ATP7A: variants seen among roughly 807,000 people sequenced by gnomAD.
The protein encoded by ATP7A is ATPase copper transporting alpha, also known as copper-transporting ATPase 1.
Under a neutral mutation model 83.5 loss-of-function variants are expected in ATP7A, and 7 were observed. That is an observed-to-expected ratio of 0.08 (90% confidence interval 0.05 to 0.16). The LOEUF is 0.16. Ranked by LOEUF, ATP7A falls within the 10% of genes least tolerant of loss-of-function variation. ATP7A has a pLI of 1.00. For synonymous variants in ATP7A, 354 were observed against 395.2 expected, an observed-to-expected ratio of 0.90 and a Z score of 1.24; for missense variants, 940 against 1,120.8, an observed-to-expected ratio of 0.84 and a Z score of 2.30.
In ATP7A at chrX:78,009,086, G is replaced by A. The variant is rs1432524313; in HGVS notation, c.1708-16G>A. The stretch of plus-strand genomic sequence containing the variant: ...AAAAGTATATTCCTGAAGAACAAAT[G>A]CTTTGTCTTTAACAGGTGAGGGGAA... On this transcript the variant is annotated splice_polypyrimidine_tract_variant and intron_variant, in intron 6 of 22. Coordinates refer to ENST00000341514, the MANE Select transcript of ATP7A (RefSeq NM_000052.7). The A allele has an allele frequency of 3.3e-6, 4 of 1,200,873 alleles. No homozygotes were observed. Among genetic ancestry groups the A allele is most frequent in the Middle Eastern group, 2.3e-4 (1 of 4,294 alleles).
In ATP7A at chrX:78,050,263, C is replaced by G. The variant is rs999372691; in HGVS notation, c.*3693C>G. ...ATTGATTGTTTGGTACCGAAAACAG[C>G]AGTGGACGATGTTGTGCAATATCCA... On this transcript the variant is annotated 3_prime_UTR_variant, in exon 23 of 23. Transcript: ENST00000341514. 2.0e-4 allele frequency: 22 copies of G among 112,249 alleles called. No individual in the cohort carries two copies. Among genetic ancestry groups the G allele is most frequent in the African/African-American group, 7.1e-4 (22 of 30,958 alleles). The allele number at this position is 112,249 out of a possible 1,213,427, so 9.3% of individuals were successfully genotyped here.
chrX:78,020,056 C>T (rs1462179548), intron 12 of ATP7A, among the ~76,000 whole-genome samples, 188 bp from the exon 13 acceptor site: 2 of 112,450 alleles, frequency 1.8e-5, no homozygotes, highest in African/African-American at 6.5e-5. Context: ...CAGGTTTTTC[C>T]AGTTCAAGGT....
chrX:77,996,116 C>T (rs1403166664), intron 4 of ATP7A, among the ~76,000 whole-genome samples: 4 of 112,107 alleles, frequency 3.6e-5, no homozygotes, highest in Non-Finnish European at 7.5e-5. Flanking sequence ...TTCCTGTTTA[C>T]CAATTTCATG....
At position 77,988,400 on chromosome X, in the gene ATP7A, G is replaced by A. The variant is rs1189348387; in HGVS notation, c.279G>A (p.Thr93=). ...VLTDTLFLTV[T]ASLTLPWDHI... ...CTGACACCTTGTTTCTGACTGTTAC[G>A]GCGTCACTGACTTTGCCATGGGACC... is the stretch of plus-strand genomic sequence containing the variant. Residue 93 remains threonine, a synonymous_variant, in exon 3 of 23, where the codon ACG becomes ACA. Transcript: ENST00000341514. 8.3e-7 allele frequency: 1 copy of A among 1,209,494 alleles called. No homozygotes were observed. Among genetic ancestry groups the A allele is most frequent in the Non-Finnish European group, 1.1e-6 (1 of 895,040 alleles).
intron 9 of ATP7A, among the ~76,000 whole-genome samples, chrX:78,011,968 G>C (rs1210575616): frequency 2.8e-5 from 3 of 107,233 alleles, no homozygotes; most frequent in Non-Finnish European, 3.9e-5. Context: ...TTTAGAGATG[G>C]GGTTTTGCTC....
chrX:78,013,540 A>G (rs1557234807), intron 10 of ATP7A, among the ~76,000 whole-genome samples: 1 of 111,939 alleles, frequency 8.9e-6, no homozygotes, highest in African/African-American at 3.2e-5. Context: ...CCTTAACACT[A>G]TAAAGTTTTT....
In ATP7A at chrX:78,038,761, A is replaced by G; in HGVS notation, c.3512-75A>G. ...ATGTAGTGACTGTGCAAGGTTAGAC[A>G]GGAAGAACTTGCTTCATGGGGTTTT... On this transcript the variant is annotated intron_variant, in intron 17 of 22. Coordinates refer to ENST00000341514, the MANE Select transcript of ATP7A (RefSeq NM_000052.7). 3.6e-6 allele frequency: 4 copies of G among 1,102,384 alleles called. No individual in the cohort carries two copies. In the South Asian group the frequency reaches 7.5e-5, roughly 21 times the overall value. The allele number at this position is 1,102,384 out of a possible 1,213,427, so 90.8% of individuals were successfully genotyped here. A position where few individuals can be genotyped will look rare whatever the true frequency, so the allele number is the denominator to read the frequency against.
At chrX:77,934,699 T>C (rs1557224907) in intron 1 of ATP7A, among the ~76,000 whole-genome samples, 1 of 110,592 alleles carries the variant, frequency 9.0e-6, no homozygotes. Context: ...AAGTTTCAGA[T>C]TTTGGAGCAT....
At chrX:78,045,117 A>G (rs1305915571) in intron 21 of ATP7A, among the ~76,000 whole-genome samples, 2 of 112,484 alleles carry the variant, frequency 1.8e-5, no homozygotes, top group Non-Finnish European at 3.8e-5. Flanking sequence ...AGTTTGTAGA[A>G]CATGAACTCC....
chrX:78,033,585 C>G lies in ATP7A; in HGVS notation c.3295-20C>G, dbSNP rs2077995389. The G allele has an allele frequency of 2.5e-6, 3 of 1,198,316 alleles. No homozygotes were observed. In the East Asian group the frequency reaches 8.9e-5, roughly 35 times the overall value. ...CATTATCAGAACAGTAGAGGAAATC[C>G]TTTTGTTTCTGTTTGTTAGGAGCTG... On this transcript the variant is annotated intron_variant, in intron 16 of 22. Transcript: ENST00000341514.
intron 5 of ATP7A, among the ~76,000 whole-genome samples, chrX:78,001,735 C>G (rs1247555618): frequency 9.0e-6 from 1 of 110,832 alleles, no homozygotes; most frequent in African/African-American, 3.3e-5. Context: ...GCCACAGAAT[C>G]CTAGAAAGAA....
chrX:78,016,103 A>C (rs1032396557), intron 12 of ATP7A, among the ~76,000 whole-genome samples: 4 of 111,981 alleles, frequency 3.6e-5, no homozygotes, highest in African/African-American at 9.8e-5. Flanking sequence ...TGGGTAATTT[A>C]TAAAGCCAAG....
At chrX:77,961,408 A>G (rs2077473880) in intron 1 of ATP7A, among the ~76,000 whole-genome samples, 1 of 111,712 alleles carries the variant, frequency 9.0e-6, no homozygotes, top group African/African-American at 3.3e-5. Context: ...TACCAAAGGT[A>G]TTGTATTCTA....
intron 19 of ATP7A, 102 bp downstream of exon 19, chrX:78,040,835 A>G: frequency 9.9e-7 from 1 of 1,009,309 alleles, no homozygotes; most frequent in Non-Finnish European, 1.4e-6. Context: ...TTTCATTATC[A>G]CTGAGTAGTC....
intron 1 of ATP7A, chrX:77,966,747 G>A (rs1425231899): frequency 6.1e-6 from 2 of 329,250 alleles, no homozygotes; most frequent in Non-Finnish European, 1.2e-5. Context: ...GTACTAAAAA[G>A]TACTGAACTG....
intron 1 of ATP7A, among the ~76,000 whole-genome samples, chrX:77,921,198 A>G (rs1268815018): frequency 8.9e-6 from 1 of 111,751 alleles, no homozygotes; most frequent in Non-Finnish European, 1.9e-5. Flanking sequence ...GTTACCATTC[A>G]TGCCATATGC....
In ATP7A at chrX:77,988,339, C is replaced by T; in HGVS notation, c.218C>T (p.Ala73Val). 1 of 1,207,911 alleles carries T rather than the reference C, an allele frequency of 8.3e-7. No homozygotes were observed. The highest frequency in any genetic ancestry group is 1.8e-5 in the South Asian group (1 of 56,415). ...QEAIDDMGFD[A>V]VIHNPDPLPV... Reference sequence around the variant, plus strand: ...GCTATTGATGACATGGGCTTTGATGCTGTTATCCATAATCCTGACCCTCTC... The same window carrying T: ...GCTATTGATGACATGGGCTTTGATGTTGTTATCCATAATCCTGACCCTCTC... The change falls in exon 3 of 23, where the codon GCT becomes GTT. Residue 73 changes from alanine to valine, a missense_variant. Physicochemically the swap from Ala to Val is moderately conservative, Grantham distance 64. Transcript: ENST00000341514.
chrX:77,920,554 C>T (rs781917519), intron 1 of ATP7A, among the ~76,000 whole-genome samples: 4 of 111,006 alleles, frequency 3.6e-5, no homozygotes, highest in East Asian at 2.8e-4. Flanking sequence ...TAAGTGAGAA[C>T]GTGTGGTATT....
intron 12 of ATP7A, among the ~76,000 whole-genome samples, chrX:78,019,236 G>C (rs2077889049): frequency 8.9e-6 from 1 of 111,800 alleles, no homozygotes; most frequent in Non-Finnish European, 1.9e-5. Flanking sequence ...GTAAAGACTG[G>C]TCTAATCTGA....
Sources: allele counts gnomAD v4.1 joint callset (sites outside exome capture counted in the v4.1 genomes callset), GRCh38; gene constraint gnomAD v4.1.1; transcripts MANE v1.5; gene names NCBI Gene and HGNC (gene_info 2026-07-23, HGNC 2026-07-21).